KBTBD4: variants seen among roughly 807,000 people sequenced by gnomAD.
KBTBD4 encodes kelch repeat and BTB domain containing 4.
A neutral mutation model predicts 43.9 loss-of-function variants in KBTBD4; 30 were observed. The observed-to-expected ratio is 0.68, with a 90% CI of 0.51 to 0.93. The LOEUF (loss-of-function observed/expected upper bound fraction) is 0.93. Ranked by LOEUF, KBTBD4 falls within the 40% of genes least tolerant of loss-of-function variation. KBTBD4 has a pLI of 0.00. For missense variants in KBTBD4, 575 were observed against 668.8 expected, an observed-to-expected ratio of 0.86 and a Z score of 1.55; for synonymous variants, 258 against 256.9, an observed-to-expected ratio of 1.00 and a Z score of -0.04.
chr11:47,572,672 A>AAG lies in KBTBD4; in HGVS notation c.*257_*258insCT. The AAG allele has an allele frequency of 1.9e-6, 1 of 517,246 alleles. No individual in the cohort carries two copies. Among genetic ancestry groups the AAG allele is most frequent in the Middle Eastern group, 5.2e-4 (1 of 1,938 alleles). 32.0% of individuals were successfully genotyped at this position (517,246 alleles called of 1,614,324 possible). A position where few individuals can be genotyped will look rare whatever the true frequency, so the allele number is the denominator to read the frequency against. On this transcript the variant is annotated 3_prime_UTR_variant, in exon 4 of 4. Transcript: ENST00000430070. ...AAGGTCTGAGAAAAGGCTTGCTCTA[A>AAG]GCAAGCTGTGGTGAGGCACAGGATG...
At chr11:47,578,857 T>C in intron 1 of KBTBD4, 76 bp downstream of exon 1, 1 of 1,549,612 alleles carries the variant, frequency 6.5e-7, no homozygotes, top group Non-Finnish European at 8.7e-7. Context: ...CCTCGCCTTC[T>C]CTCTAGGCTC....
rs914973454 is a variant in KBTBD4 at position 47,574,316 on chromosome 11, G to A, written c.745-526C>T. Among the ~76,000 whole-genome samples the A allele has an allele frequency of 8.5e-5, 13 of 152,208 alleles. No homozygotes were observed. In the East Asian group the frequency reaches 2.5e-3, roughly 29 times the overall value. Reference sequence around the variant, plus strand: ...GTTCGAGACCAGCCTGACCAATATGGTGAAACCCTGTCTCTACTAAAAATA... The same window carrying A: ...GTTCGAGACCAGCCTGACCAATATGATGAAACCCTGTCTCTACTAAAAATA... On this transcript the variant is annotated intron_variant, in intron 3 of 3. Coordinates refer to ENST00000430070, the MANE Select transcript of KBTBD4 (RefSeq NM_018095.6).
At position 47,573,355 on chromosome 11, in the gene KBTBD4, C is replaced by T. The variant is rs755861672; in HGVS notation, c.1180G>A (p.Gly394Arg). The part of the protein sequence containing the change: ...VSGAAGANLN[G>R]IIYLLGGEEN... ...TCCCCCCCTAGTAAGTAGATGATCC[C>T]GTTGAGGTTGGCACCAGCAGCCCCT... Residue 394 changes from glycine (G) to arginine (R), a missense_variant, in exon 4 of 4, where the codon GGG becomes AGG. Coordinates refer to ENST00000430070, the MANE Select transcript of KBTBD4 (RefSeq NM_018095.6). The surrounding 1 kb of genome is among the most constrained non-coding windows in gnomAD (Gnocchi z 4.1). 18 of 1,614,168 alleles carry T rather than the reference C, an allele frequency of 1.1e-5. No individual in the cohort carries two copies. Among genetic ancestry groups the T allele is most frequent in the Non-Finnish European group, 1.1e-5 (13 of 1,180,026 alleles).
At position 47,573,659 on chromosome 11, in the gene KBTBD4, C is replaced by CT. The variant is rs1351407473; in HGVS notation, c.875dup (p.Ile293AspfsTer31). The CT allele has an allele frequency of 6.2e-7, 1 of 1,613,572 alleles. No homozygotes were observed. The highest frequency in any genetic ancestry group is 8.5e-7 in the Non-Finnish European group (1 of 1,180,024). ...CACCATGCTTGCAGGCCGCAGTGAT[C>CT]TGGTGGCACAAACTGTTTTGGCCAC... is the stretch of plus-strand genomic sequence containing the variant. On this transcript the variant is annotated frameshift_variant, in exon 4 of 4. Coordinates refer to ENST00000430070, the MANE Select transcript of KBTBD4 (RefSeq NM_018095.6). LOFTEE classifies it high-confidence loss of function. The surrounding 1 kb of genome is among the most constrained non-coding windows in gnomAD (Gnocchi z 4.1).
chr11:47,576,112 A>G (rs995274474), intron 2 of KBTBD4, among the ~76,000 whole-genome samples: 16 of 150,828 alleles, frequency 1.1e-4, no homozygotes, highest in African/African-American at 3.7e-4. Context: ...TGGCCTCCCA[A>G]AGTGCTGGGA....
chr11:47,575,271 G>A (rs2097256940), intron 3 of KBTBD4, among the ~76,000 whole-genome samples: 1 of 151,660 alleles, frequency 6.6e-6, no homozygotes, highest in South Asian at 2.1e-4. Flanking sequence ...CACTTTGGGA[G>A]GCGGAGGCGG....
At position 47,575,631 on chromosome 11, in the gene KBTBD4, T is replaced by C; in HGVS notation, c.706A>G (p.Arg236Gly). Residue 236 changes from arginine to glycine, a missense_variant, in exon 3 of 4, where the codon AGA (arginine) becomes GGA (glycine). Coordinates refer to ENST00000430070, the MANE Select transcript of KBTBD4 (RefSeq NM_018095.6). Reference sequence around the variant, plus strand: ...CTGAGTGACTCTGCAAAAGCCTCTCTTTCCTCTTTATTAAAGTTGATCCAG... The same window carrying C: ...CTGAGTGACTCTGCAAAAGCCTCTCCTTCCTCTTTATTAAAGTTGATCCAG... ...EAWINFNKEEREAFAESLRTS... is the reference protein window; with the variant it reads ...EAWINFNKEEGEAFAESLRTS... 1 of 1,613,788 alleles carries C rather than the reference T, an allele frequency of 6.2e-7. No homozygotes were observed. Among genetic ancestry groups the C allele is most frequent in the Non-Finnish European group, 8.5e-7 (1 of 1,179,812 alleles).
intron 2 of KBTBD4, 29 bp downstream of exon 2, chr11:47,577,382 G>C: frequency 6.4e-7 from 1 of 1,568,460 alleles, no homozygotes; most frequent in Non-Finnish European, 8.7e-7. Flanking sequence ...CAAGTAACTG[G>C]GTATGGTGTG....
At chr11:47,574,911 G>C (rs1437845187) in intron 3 of KBTBD4, among the ~76,000 whole-genome samples, 2 of 139,310 alleles carry the variant, frequency 1.4e-5, no homozygotes, top group African/African-American at 5.4e-5. Context: ...CTCACACACA[G>C]ACACACAAAG....
At position 47,573,913 on chromosome 11, in the gene KBTBD4, T is replaced by C; in HGVS notation, c.745-123A>G. ...CTAGCTTTATCATACTACTCTCTAATTACTGTATGGCATCCAACTCTCCTC... is the reference window on the plus strand; with the variant it reads ...CTAGCTTTATCATACTACTCTCTAACTACTGTATGGCATCCAACTCTCCTC... On this transcript the variant is annotated intron_variant, in intron 3 of 3. Coordinates refer to ENST00000430070, the MANE Select transcript of KBTBD4 (RefSeq NM_018095.6). This position sits in a 1 kb window ranked among gnomAD's most constrained non-coding sequence, Gnocchi z 4.1. The C allele has an allele frequency of 2.3e-6, 2 of 882,092 alleles. No homozygotes were observed. The highest frequency in any genetic ancestry group is 3.4e-5 in the South Asian group (2 of 58,196). 54.6% of individuals were successfully genotyped at this position (882,092 alleles called of 1,614,324 possible). A position where few individuals can be genotyped will look rare whatever the true frequency, so the allele number is the denominator to read the frequency against.
intron 2 of KBTBD4, 114 bp downstream of exon 2, chr11:47,577,297 T>C (rs1172233204): frequency 2.9e-6 from 3 of 1,049,504 alleles, no homozygotes; most frequent in Non-Finnish European, 4.1e-6. Flanking sequence ...AATGCAGGAA[T>C]AATAATGTAA....
Position 47,578,947 on chromosome 11 carries a change from T to G in KBTBD4, c.5A>C (p.Lys2Thr). 1 of 1,551,760 alleles carries G rather than the reference T, an allele frequency of 6.4e-7. No individual in the cohort carries two copies. Among genetic ancestry groups the G allele is most frequent in the East Asian group, 2.4e-5 (1 of 40,922 alleles). ...CGCTTTCTCACCTGCGTTCCCTCCT[T>G]TCATCCCGGAGCCCGGAACCTCCGC... M[K>T]GGNADSWQRE... is the part of the protein sequence containing the mutation. The change falls in exon 1 of 4, where the codon AAA becomes ACA. Residue 2 changes from lysine to threonine, a missense_variant. Transcript: ENST00000430070.
At chr11:47,578,731 T>G (rs2153795016) in intron 1 of KBTBD4, 2 of 1,447,116 alleles carry the variant, frequency 1.4e-6, no homozygotes, top group East Asian at 5.0e-5. Flanking sequence ...TTCTTCCCGC[T>G]CAGGCCCGCC....
rs757499382 is a variant in KBTBD4, at chr11:47,577,729, C to T, written c.319G>A (p.Val107Ile). 1.9e-6 allele frequency: 3 copies of T among 1,614,070 alleles called. No homozygotes were observed. Among genetic ancestry groups the T allele is most frequent in the Non-Finnish European group, 2.5e-6 (3 of 1,180,040 alleles). The change falls in exon 2 of 4, where the codon GTC (valine) becomes ATC (isoleucine). Residue 107 changes from valine (V) to isoleucine (I), a missense_variant. Val to Ile is a conservative substitution (Grantham distance 29). Transcript: ENST00000430070. ...AHNRVIVLQD[V>I]SESVFQLLVD... ...AGGAGCTGGAAAACAGACTCGCTGA[C>T]ATCCTGCAGCACAATCACCCGGTTG... is the stretch of plus-strand genomic sequence containing the variant.
chr11:47,575,808 T>A, intron 2 of KBTBD4, 109 bp from the exon 3 acceptor site: 1 of 692,512 alleles, frequency 1.4e-6, no homozygotes, highest in Non-Finnish European at 2.5e-6. Context: ...TGGGCATGTG[T>A]ATATGTGTAC....
In KBTBD4 at chr11:47,575,754, A is replaced by G; in HGVS notation, c.638-55T>C. The G allele has an allele frequency of 4.2e-6, 5 of 1,184,264 alleles. No homozygotes were observed. The South Asian group carries it at 6.5e-5, about 15-fold the overall frequency. 73.4% of individuals were successfully genotyped at this position (1,184,264 alleles called of 1,614,324 possible). A position where few individuals can be genotyped will look rare whatever the true frequency, so the allele number is the denominator to read the frequency against. ...ATGACAATCCGAAAGAGAAATTCAG[A>G]GTAAGGGACTTTAAAGATGTGAACC... On this transcript the variant is annotated intron_variant, in intron 2 of 3. Transcript: ENST00000430070.
Position 47,578,396 on chromosome 11 carries a change from G to T in KBTBD4, c.20-368C>A, listed in dbSNP as rs2097264417. On this transcript the variant is annotated intron_variant, in intron 1 of 3. Transcript: ENST00000430070. ...AAGCCTTACTAACCAAATAACTGGG[G>T]CATAAAACTAGTGAAGCTCAGGGGC... 26 of 559,350 alleles carry T rather than the reference G, an allele frequency of 4.6e-5. No individual in the cohort carries two copies. The East Asian group carries it at 7.8e-4, about 17-fold the overall frequency. 34.6% of individuals were successfully genotyped at this position (559,350 alleles called of 1,614,324 possible). A position where few individuals can be genotyped will look rare whatever the true frequency, so the allele number is the denominator to read the frequency against.
intron 1 of KBTBD4, 186 bp from the exon 2 acceptor site, chr11:47,578,214 C>G (rs1454257761): frequency 1.6e-6 from 1 of 614,752 alleles, no homozygotes; most frequent in South Asian, 2.0e-5. Flanking sequence ...TCGTTATCCC[C>G]AGTGGCGCCC....
Position 47,573,665 on chromosome 11 carries a change from G to A in KBTBD4, c.870C>T (p.Cys290=), listed in dbSNP as rs1807565108. ...SISVSGQNSL[C]HQITAACKHG... is the part of the protein sequence containing the mutation. ...GCTTGCAGGCCGCAGTGATCTGGTG[G>A]CACAAACTGTTTTGGCCACTTACAC... is the stretch of plus-strand genomic sequence containing the variant. The change falls in exon 4 of 4, where the codon TGC becomes TGT. Residue 290 remains cysteine (C), a synonymous_variant. Coordinates refer to ENST00000430070, the MANE Select transcript of KBTBD4 (RefSeq NM_018095.6). This position sits in a 1 kb window ranked among gnomAD's most constrained non-coding sequence, Gnocchi z 4.1. 1 of 1,613,120 alleles carries A rather than the reference G, an allele frequency of 6.2e-7. No homozygotes were observed. Among genetic ancestry groups the A allele is most frequent in the Non-Finnish European group, 8.5e-7 (1 of 1,180,026 alleles).
Sources: allele counts gnomAD v4.1 joint callset (sites outside exome capture counted in the v4.1 genomes callset), GRCh38; gene constraint gnomAD v4.1.1; non-coding constraint Gnocchi (gnomAD v3.1); transcripts MANE v1.5; gene names NCBI Gene and HGNC (gene_info 2026-07-23, HGNC 2026-07-21).